Variants in CAMTA1 observed in about 807,000 individuals in gnomAD.
The protein encoded by CAMTA1 is calmodulin-binding transcription activator 1.
CAMTA1 carries 27 observed loss-of-function variants against 170.9 expected under a neutral mutation model. The ratio of observed to expected loss-of-function variants is 0.16; its 90% CI spans 0.12 to 0.22. The LOEUF (loss-of-function observed/expected upper bound fraction) is 0.22. Ranked by LOEUF, CAMTA1 falls within the 10% of genes least tolerant of loss-of-function variation. The pLI, the probability that CAMTA1 is intolerant of heterozygous loss-of-function variation, is 1.00. For missense variants in CAMTA1, 1,619 were observed against 2,217.2 expected, an observed-to-expected ratio of 0.73 and a Z score of 5.42; for synonymous variants, 833 against 891.5, an observed-to-expected ratio of 0.93 and a Z score of 1.17.
intron 11 of CAMTA1, among the ~76,000 whole-genome samples, chr1:7,716,646 C>T (rs1034173328): frequency 6.6e-6 from 1 of 151,570 alleles, no homozygotes; most frequent in African/African-American, 2.4e-5. Context: ...CAGTTAGCAC[C>T]GTCTGTGCAG....
At chr1:7,459,858 G>A (rs569783929) in intron 5 of CAMTA1, among the ~76,000 whole-genome samples, 1 of 152,358 alleles carries the variant, frequency 6.6e-6, no homozygotes, top group East Asian at 1.9e-4. Context: ...GCGCAGGGAA[G>A]GCATACAGAG....
At chr1:7,552,016 G>C (rs914916288) in intron 6 of CAMTA1, among the ~76,000 whole-genome samples, 2 of 152,334 alleles carry the variant, frequency 1.3e-5, no homozygotes, top group Non-Finnish European at 2.9e-5. Context: ...GGGCCTGTAG[G>C]TGAGGAAAGA....
rs70987364 is a variant in CAMTA1, at chr1:7,688,011, C to CTTTTTTTTTTTTTTTTTTT, written c.2914+10295_2914+10296insTTTTTTTTTTTTTTTTTTT. On this transcript the variant is annotated intron_variant, in intron 11 of 22. Coordinates refer to ENST00000303635, the MANE Select transcript of CAMTA1 (RefSeq NM_015215.4). ...CGATTACGTCGGACTCTCATTATTC[C>CTTTTTTTTTTTTTTTTTTT]TTTTTTTTTTTTTTTTTGGCAGAGT... Among the ~76,000 whole-genome samples, 89 of 103,258 alleles carry CTTTTTTTTTTTTTTTTTTT rather than the reference C, an allele frequency of 8.6e-4. 5 individuals are homozygous for CTTTTTTTTTTTTTTTTTTT. The highest frequency in any genetic ancestry group is 1.4e-3 in the African/African-American group (38 of 26,928). The allele number at this position is 103,258 out of a possible 152,430, so 67.7% of individuals were successfully genotyped here.
chr1:6,790,981 T>A (rs1640930987), intron 1 of CAMTA1, among the ~76,000 whole-genome samples: 2 of 152,176 alleles, frequency 1.3e-5, no homozygotes, highest in African/African-American at 4.8e-5. Context: ...TTGTAATATG[T>A]GGTTTGGCAG....
rs1020203223 is a variant in CAMTA1, at chr1:7,532,653, C to G, written c.510+64752C>G. 1.3e-5 allele frequency among the ~76,000 whole-genome samples: 2 copies of G among 152,188 alleles called. No individual in the cohort carries two copies. The highest frequency in any genetic ancestry group is 2.9e-5 in the Non-Finnish European group (2 of 68,038). ...TACAAAAAGCATAGGGCTTGGCAAC[C>G]TCCCTCTTCTCCCTGGAGTTGAAGG... On this transcript the variant is annotated intron_variant, in intron 6 of 22. Coordinates refer to ENST00000303635, the MANE Select transcript of CAMTA1 (RefSeq NM_015215.4). The surrounding 1 kb of genome is among the most constrained non-coding windows in gnomAD (Gnocchi z 4.2).
At chr1:7,016,655 GA>G (rs1357010833) in intron 3 of CAMTA1, among the ~76,000 whole-genome samples, 1 of 152,120 alleles carries the variant, frequency 6.6e-6, no homozygotes, top group Non-Finnish European at 1.5e-5. Flanking sequence ...CTAACATGGG[GA>G]AACCCCATCT....
intron 3 of CAMTA1, among the ~76,000 whole-genome samples, chr1:6,980,591 G>A (rs1487329730): frequency 6.6e-6 from 1 of 152,112 alleles, no homozygotes; most frequent in Non-Finnish European, 1.5e-5. Flanking sequence ...ATTCCCATGT[G>A]TCTTGGGAGG....
chr1:6,811,874 G>A (rs1427069423), intron 1 of CAMTA1, among the ~76,000 whole-genome samples: 1 of 152,236 alleles, frequency 6.6e-6, no homozygotes, highest in Non-Finnish European at 1.5e-5. Context: ...ACGAGAAACA[G>A]TGTCATTCTC....
chr1:7,153,806 A>G (rs992175023), intron 4 of CAMTA1, among the ~76,000 whole-genome samples: 4 of 152,212 alleles, frequency 2.6e-5, no homozygotes, highest in Non-Finnish European at 5.9e-5. Flanking sequence ...ACAGGGACGC[A>G]TTCTAGGTCT....
At chr1:7,728,751 T>C (rs1031827597) in intron 11 of CAMTA1, among the ~76,000 whole-genome samples, 2 of 152,238 alleles carry the variant, frequency 1.3e-5, no homozygotes, top group East Asian at 1.9e-4. Flanking sequence ...GTCAACTTCT[T>C]AGGCTTCACA....
At chr1:7,444,428 G>A (rs1575366030) in intron 5 of CAMTA1, among the ~76,000 whole-genome samples, 1 of 152,350 alleles carries the variant, frequency 6.6e-6, no homozygotes, top group East Asian at 1.9e-4. Context: ...ATATGGTGAG[G>A]AGGCAGCTTG....
intron 11 of CAMTA1, among the ~76,000 whole-genome samples, chr1:7,727,457 C>T (rs567552056): frequency 7.9e-5 from 12 of 152,104 alleles, no homozygotes; most frequent in Non-Finnish European, 1.8e-4. Flanking sequence ...CAGGTTTGTT[C>T]GGGCTGCAGA....
At chr1:7,297,765 C>A (rs1674180063) in intron 5 of CAMTA1, among the ~76,000 whole-genome samples, 1 of 152,216 alleles carries the variant, frequency 6.6e-6, no homozygotes, top group Admixed American at 6.5e-5. Flanking sequence ...AAAGGCTGGG[C>A]AAACATGGGG....
chr1:7,094,405 C>T lies in CAMTA1; in HGVS notation c.302+3034C>T, dbSNP rs575604741. On this transcript the variant is annotated intron_variant, in intron 4 of 22. Transcript: ENST00000303635. ...TACAACTTCTGTTTGCTGCTGCCGC[C>T]GCCACTGCTAATTTCATTTTAGAAA... Among the ~76,000 whole-genome samples, 4 of 152,320 alleles carry T rather than the reference C, an allele frequency of 2.6e-5. No individual in the cohort carries two copies. The South Asian group carries it at 8.3e-4, about 32-fold the overall frequency.
chr1:6,893,889 C>T (rs929210745), intron 3 of CAMTA1, among the ~76,000 whole-genome samples: 4 of 152,254 alleles, frequency 2.6e-5, no homozygotes, highest in African/African-American at 9.6e-5. Context: ...CCACTCCTCA[C>T]ACAGGTGACC....
At chr1:6,875,157 G>C (rs968452011) in intron 3 of CAMTA1, among the ~76,000 whole-genome samples, 1 of 152,160 alleles carries the variant, frequency 6.6e-6, no homozygotes, top group African/African-American at 2.4e-5. Context: ...TTAAATCCAA[G>C]TGCCATTCAT....
Position 7,521,827 on chromosome 1 carries a change from G to A in CAMTA1, c.510+53926G>A, listed in dbSNP as rs148491917. 9.7e-3 allele frequency among the ~76,000 whole-genome samples: 1,477 copies of A among 152,280 alleles called. 17 individuals carry two copies. The highest frequency in any genetic ancestry group is 0.016 in the Non-Finnish European group (1,058 of 68,018). On this transcript the variant is annotated intron_variant, in intron 6 of 22. Transcript: ENST00000303635. ...CTCCCAAAGTGCTGGGATTACAGGC[G>A]TGAGCCACTGCGCTCACTCCACAGT...
intron 6 of CAMTA1, among the ~76,000 whole-genome samples, chr1:7,492,451 G>A (rs1443526617): frequency 1.3e-5 from 2 of 152,106 alleles, no homozygotes; most frequent in African/African-American, 2.4e-5. Flanking sequence ...ACCAGCCCCC[G>A]GGCTGCTCAG....
At chr1:7,204,537 T>C (rs573476233) in intron 4 of CAMTA1, among the ~76,000 whole-genome samples, 2 of 152,274 alleles carry the variant, frequency 1.3e-5, no homozygotes, top group East Asian at 3.9e-4. Context: ...ATTATTTCTA[T>C]CCTTTTACAT....
Sources: gnomAD v4.1 joint callset for allele counts (sites outside exome capture counted in the v4.1 genomes callset) on GRCh38, gnomAD v4.1.1 for gene constraint, Gnocchi (gnomAD v3.1) non-coding constraint, MANE v1.5 for transcripts, NCBI Gene and HGNC (gene_info 2026-07-23, HGNC 2026-07-21) for gene names.